The following SPSB1 variants were observed in gnomAD, a reference collection of about 807,000 sequenced individuals.
The protein encoded by SPSB1 is SPRY domain-containing SOCS box protein 1.
In SPSB1, 8 loss-of-function variants were observed where a neutral mutation model predicts 21.2. The observed-to-expected ratio is 0.38, with a 90% confidence interval of 0.22 to 0.68. The LOEUF (loss-of-function observed/expected upper bound fraction) is 0.68, where lower values mean the gene tolerates loss of function less well. Ranked by LOEUF, SPSB1 falls within the 30% of genes least tolerant of loss-of-function variation. SPSB1 has a pLI of 0.53. For synonymous variants in SPSB1, 169 were observed against 161.7 expected (o/e 1.05, Z -0.34); for missense variants, 242 against 377.8 (o/e 0.64, Z 2.98).
intron 1 of SPSB1, among the ~76,000 whole-genome samples, chr1:9,306,377 G>A (rs1255735654): frequency 6.6e-6 from 1 of 152,220 alleles, no homozygotes; most frequent in Non-Finnish European, 1.5e-5. Flanking sequence ...CCAGCCTGGA[G>A]GAGGTGGAAG....
intron 1 of SPSB1, among the ~76,000 whole-genome samples, chr1:9,311,958 A>T (rs532031124): frequency 1.3e-5 from 2 of 152,170 alleles, no homozygotes; most frequent in African/African-American, 4.8e-5. Flanking sequence ...GTATTGAGAT[A>T]CAGGAGACCT....
At chr1:9,352,970 A>AT (rs1450100328) in intron 1 of SPSB1, among the ~76,000 whole-genome samples, 1 of 151,808 alleles carries the variant, frequency 6.6e-6, no homozygotes, top group Non-Finnish European at 1.5e-5. Flanking sequence ...GGGGCTGTGG[A>AT]GGGGCTACGC....
rs546767860 is a variant in SPSB1 at position 9,320,296 on chromosome 1, C to A, written c.-150+27225C>A. 4.6e-5 allele frequency among the ~76,000 whole-genome samples: 7 copies of A among 152,342 alleles called. No homozygotes were observed. In the South Asian group the frequency reaches 1.5e-3, roughly 32 times the overall value. ...GCAGGGCGGTCATCAGCCATTATTG[C>A]CTCTTGGGCCGGGACTGTCCTCTGT... On this transcript the variant is annotated intron_variant, in intron 1 of 2. Transcript: ENST00000328089.
In SPSB1 at chr1:9,363,015, G is replaced by T. The variant is rs1255335828; in HGVS notation, c.695-4433G>T. Reference sequence around the variant, plus strand: ...GCACCTGGGTTTGTGGCTGGAGCTGGGTGCAAAGCTGGCAGCCCCCAGTCA... The same window carrying T: ...GCACCTGGGTTTGTGGCTGGAGCTGTGTGCAAAGCTGGCAGCCCCCAGTCA... On this transcript the variant is annotated intron_variant, in intron 2 of 2. Transcript: ENST00000328089. This position sits in a 1 kb window ranked among gnomAD's most constrained non-coding sequence, Gnocchi z 4.5. Among the ~76,000 whole-genome samples the T allele has an allele frequency of 2.6e-5, 4 of 152,194 alleles. No homozygotes were observed. The highest frequency in any genetic ancestry group is 9.6e-5 in the African/African-American group (4 of 41,452).
chr1:9,316,722 C>T (rs1050618414), intron 1 of SPSB1, among the ~76,000 whole-genome samples: 7 of 152,226 alleles, frequency 4.6e-5, no homozygotes, highest in African/African-American at 7.2e-5. Flanking sequence ...GTCAGGACCA[C>T]GGCTGCTTCT....
At chr1:9,358,229 C>A (rs1640408812) in intron 2 of SPSB1, among the ~76,000 whole-genome samples, 1 of 152,168 alleles carries the variant, frequency 6.6e-6, no homozygotes, top group African/African-American at 2.4e-5. Context: ...CCTCCCCGCC[C>A]CTCTTTCTCT....
chr1:9,335,331 G>A (rs1328796593), intron 1 of SPSB1, among the ~76,000 whole-genome samples: 2 of 151,518 alleles, frequency 1.3e-5, no homozygotes, highest in Admixed American at 6.6e-5. Flanking sequence ...GCGAAACCCC[G>A]TCTCTACTAA....
At position 9,361,001 on chromosome 1, in the gene SPSB1, G is replaced by A. The variant is rs182087838; in HGVS notation, c.694+4416G>A. Reference sequence around the variant, plus strand: ...CTGGGGTGCCCATAGTGAGGTCAGAGCCCACCCAAGTCCCCCGTCCCGGGA... The same window carrying A: ...CTGGGGTGCCCATAGTGAGGTCAGAACCCACCCAAGTCCCCCGTCCCGGGA... On this transcript the variant is annotated intron_variant, in intron 2 of 2. Transcript: ENST00000328089. 3.3e-4 allele frequency among the ~76,000 whole-genome samples: 50 copies of A among 152,210 alleles called. 1 individual carries two copies. The highest frequency in any genetic ancestry group is 1.1e-3 in the African/African-American group (47 of 41,520).
In SPSB1 at chr1:9,369,440, T is replaced by G. The variant is rs1380960639; in HGVS notation, c.*1865T>G. 6.6e-6 allele frequency: 1 copy of G among 152,158 alleles called. No homozygotes were observed. Among genetic ancestry groups the G allele is most frequent in the Non-Finnish European group, 1.5e-5 (1 of 68,016 alleles). 9.4% of individuals were successfully genotyped at this position (152,158 alleles called of 1,614,324 possible). On this transcript the variant is annotated 3_prime_UTR_variant, in exon 3 of 3. Coordinates refer to ENST00000328089, the MANE Select transcript of SPSB1 (RefSeq NM_025106.4). ...CTTCTTTCCTACCAGCCCAGAGCCT[T>G]GTGGCTTGTACAGTTTTGAAACTCC... is the stretch of plus-strand genomic sequence containing the variant.
rs151230958 is a variant in SPSB1 at position 9,349,518 on chromosome 1, C to T, written c.-149-6225C>T. Among the ~76,000 whole-genome samples, 15 of 152,370 alleles carry T rather than the reference C, an allele frequency of 9.8e-5. No individual in the cohort carries two copies. In the East Asian group the frequency reaches 2.9e-3, roughly 29 times the overall value. On this transcript the variant is annotated intron_variant, in intron 1 of 2. Coordinates refer to ENST00000328089, the MANE Select transcript of SPSB1 (RefSeq NM_025106.4). Reference sequence around the variant, plus strand: ...GGCCTTGGCGCCAGCGCCGTAGATGCGTGTCAGATTTGACAGCTGATCTCT... The same window carrying T: ...GGCCTTGGCGCCAGCGCCGTAGATGTGTGTCAGATTTGACAGCTGATCTCT...
intron 1 of SPSB1, among the ~76,000 whole-genome samples, chr1:9,339,497 C>T (rs565272950): frequency 6.6e-6 from 1 of 152,238 alleles, no homozygotes; most frequent in East Asian, 1.9e-4. Flanking sequence ...AGGAGGGGCC[C>T]CTGGAAGATC....
chr1:9,297,147 A>G (rs944032676), intron 1 of SPSB1, among the ~76,000 whole-genome samples: 1 of 152,188 alleles, frequency 6.6e-6, no homozygotes, highest in African/African-American at 2.4e-5. Flanking sequence ...TTTGTCAACA[A>G]GCTCTGAATC....
chr1:9,312,775 T>G (rs1259647169), intron 1 of SPSB1, among the ~76,000 whole-genome samples: 1 of 152,172 alleles, frequency 6.6e-6, no homozygotes, highest in African/African-American at 2.4e-5. Context: ...TTCAACCTGG[T>G]CAGTCTTATT....
intron 2 of SPSB1, among the ~76,000 whole-genome samples, chr1:9,361,156 C>CCTTTTTTTTTTTTTTTTTTTTTGGT (rs1553128958): frequency 9.7e-6 from 1 of 102,578 alleles, no homozygotes. Context: ...CTGTCATTTT[C>CCTTTTTTTTTTTTTTTTTTTTTGGT]TTTTTTTTTT....
chr1:9,297,824 G>A (rs1639250940), intron 1 of SPSB1, among the ~76,000 whole-genome samples: 2 of 152,166 alleles, frequency 1.3e-5, no homozygotes, highest in South Asian at 4.1e-4. Flanking sequence ...TGGAATGCTG[G>A]AGTGGATTTG....
At chr1:9,309,285 AGAGAGAGAGAGAGAGAGTGT>A (rs1639475768) in intron 1 of SPSB1, among the ~76,000 whole-genome samples, 1 of 104,020 alleles carries the variant, frequency 9.6e-6, no homozygotes, top group Non-Finnish European at 2.0e-5. Flanking sequence ...AGAGAGTGTG[AGAGAGAGAGAGAGAGAGTGT>A]GTGTGTGTGT....
intron 1 of SPSB1, among the ~76,000 whole-genome samples, chr1:9,312,843 C>T (rs1352595683): frequency 3.3e-5 from 5 of 152,190 alleles, no homozygotes; most frequent in Non-Finnish European, 1.5e-5. Context: ...GCATTTGGAA[C>T]TGTGTGGAAG....
At chr1:9,355,708 C>T (rs529854462) in intron 1 of SPSB1, 35 bp from the exon 2 acceptor site, 8 of 1,339,570 alleles carry the variant, frequency 6.0e-6, no homozygotes, top group Non-Finnish European at 7.7e-6. Context: ...ATCCCACAGT[C>T]CTGCTCACCG....
intron 1 of SPSB1, among the ~76,000 whole-genome samples, chr1:9,301,626 C>T (rs1235907880): frequency 1.3e-5 from 2 of 152,212 alleles, no homozygotes; most frequent in East Asian, 1.9e-4. Context: ...GGTGGATTCT[C>T]GTCAGCCTCT....
Sources: allele counts gnomAD v4.1 joint callset (sites outside exome capture counted in the v4.1 genomes callset), GRCh38; gene constraint gnomAD v4.1.1; non-coding constraint Gnocchi (gnomAD v3.1); transcripts MANE v1.5; gene names NCBI Gene and HGNC (gene_info 2026-07-23, HGNC 2026-07-21).